The following MAST4 variants were observed in gnomAD, a reference collection of about 807,000 sequenced individuals.
MAST4 encodes microtubule associated serine/threonine kinase family member 4, also known as microtubule-associated serine/threonine-protein kinase 4.
MAST4 carries 89 observed loss-of-function variants against 162.7 expected under a neutral mutation model. The observed-to-expected ratio is 0.55, with a 90% CI of 0.46 to 0.65. The LOEUF (loss-of-function observed/expected upper bound fraction) is 0.65, where lower values mean the gene tolerates loss of function less well. Ranked by LOEUF, MAST4 falls within the 30% of genes least tolerant of loss-of-function variation. MAST4 has a pLI of 0.00. For missense variants in MAST4, 3,153 were observed against 3,374.0 expected (o/e 0.93, Z 1.62); for synonymous variants, 1,479 against 1,361.1 (o/e 1.09, Z -1.91).
chr5:66,724,524 T>C (rs2149544222), intron 1 of MAST4, among the ~76,000 whole-genome samples: 1 of 152,290 alleles, frequency 6.6e-6, no homozygotes, highest in South Asian at 2.1e-4. Flanking sequence ...CATGTGTCAC[T>C]CATGAATGGG....
At chr5:66,623,190 G>A (rs542396730) in intron 1 of MAST4, 1 of 152,296 alleles carries the variant, frequency 6.6e-6, no homozygotes, top group South Asian at 2.1e-4. Flanking sequence ...GTAGCTACAA[G>A]GATTATGGCC....
chr5:67,080,761 G>A (rs949748510), intron 5 of MAST4, among the ~76,000 whole-genome samples: 15 of 150,676 alleles, frequency 1.0e-4, no homozygotes, highest in Non-Finnish European at 1.8e-4. Context: ...TACATGGACC[G>A]TATAATAGGC....
intron 24 of MAST4, among the ~76,000 whole-genome samples, chr5:67,151,794 G>T (rs370145255): frequency 1.5e-5 from 2 of 131,384 alleles, no homozygotes; most frequent in African/African-American, 3.1e-5. Context: ...TTGAGATAGG[G>T]TCTTGCTCTG....
In MAST4 at chr5:66,631,064, T is replaced by C. The variant is rs1212947534; in HGVS notation, c.363+34046T>C. Reference sequence around the variant, plus strand: ...TATAGTTTTTCCACAGTAGCCTCCATGTTTTTTTCTCTTTTAATTTGTTGA... The same window carrying C: ...TATAGTTTTTCCACAGTAGCCTCCACGTTTTTTTCTCTTTTAATTTGTTGA... On this transcript the variant is annotated intron_variant, in intron 1 of 28. Transcript: ENST00000403625. Among the ~76,000 whole-genome samples, 4 of 152,232 alleles carry C rather than the reference T, an allele frequency of 2.6e-5. No homozygotes were observed. In the East Asian group the frequency reaches 7.7e-4, roughly 29 times the overall value.
At chr5:67,078,920 AT>A (rs1231284879) in intron 5 of MAST4, among the ~76,000 whole-genome samples, 1 of 68,134 alleles carries the variant, frequency 1.5e-5, no homozygotes, top group African/African-American at 8.1e-5. Flanking sequence ...AAATATATAT[AT>A]ATATATATAT....
chr5:66,905,302 CAAAAAAAAAAA>C (rs60337775), intron 4 of MAST4, among the ~76,000 whole-genome samples: 15,790 of 78,520 alleles, frequency 0.2, 1,023 homozygotes, highest in Admixed American at 0.32. Context: ...AACTCTGTCT[CAAAAAAAAAAA>C]AAAAAAAAAA....
chr5:67,094,407 G>A (rs1215578844), intron 6 of MAST4, among the ~76,000 whole-genome samples: 1 of 152,144 alleles, frequency 6.6e-6, no homozygotes, highest in Non-Finnish European at 1.5e-5. Flanking sequence ...AATTTATTGT[G>A]AATGTATCCC....
At chr5:67,072,062 G>A (rs1761065185) in intron 5 of MAST4, among the ~76,000 whole-genome samples, 1 of 152,158 alleles carries the variant, frequency 6.6e-6, no homozygotes, top group South Asian at 2.1e-4. Context: ...ATGCATGCAT[G>A]TGTGTTTTTT....
intron 4 of MAST4, among the ~76,000 whole-genome samples, chr5:67,021,346 A>G (rs1315239098): frequency 1.3e-5 from 2 of 152,212 alleles, no homozygotes; most frequent in African/African-American, 2.4e-5. Flanking sequence ...CAGGCATGCT[A>G]TATAGATTGC....
At chr5:67,004,704 T>A (rs977874077) in intron 4 of MAST4, 4 of 357,106 alleles carry the variant, frequency 1.1e-5, no homozygotes, top group Non-Finnish European at 2.1e-5. Context: ...AATTACTGTT[T>A]ATAGCTGGCC....
chr5:67,083,963 A>T (rs1167549545), intron 5 of MAST4, among the ~76,000 whole-genome samples: 4 of 152,194 alleles, frequency 2.6e-5, no homozygotes, highest in Non-Finnish European at 5.9e-5. Context: ...TGTGACATCA[A>T]TTCAGAGTAA....
intron 1 of MAST4, among the ~76,000 whole-genome samples, chr5:66,624,363 C>G (rs376493347): frequency 6.6e-6 from 1 of 151,838 alleles, no homozygotes; most frequent in African/African-American, 2.4e-5. Flanking sequence ...CCGTATTAGT[C>G]AGGATGGTCT....
intron 4 of MAST4, among the ~76,000 whole-genome samples, chr5:67,021,215 C>A (rs1753935897): frequency 6.6e-6 from 1 of 152,164 alleles, no homozygotes; most frequent in Non-Finnish European, 1.5e-5. Flanking sequence ...TGGTACAGGA[C>A]AGAACATGTT....
At chr5:66,807,356 C>T (rs867019290) in intron 3 of MAST4, among the ~76,000 whole-genome samples, 31 of 152,088 alleles carry the variant, frequency 2.0e-4, no homozygotes, top group Non-Finnish European at 3.8e-4. Flanking sequence ...ATTAGCCGGG[C>T]GCGGTGGCGG....
intron 1 of MAST4, 61 bp downstream of exon 1, chr5:66,597,079 A>C: frequency 7.5e-7 from 1 of 1,340,784 alleles, no homozygotes; most frequent in Non-Finnish European, 9.5e-7. Context: ...GTAGTTTCCC[A>C]TCCTGCGCAC....
At chr5:66,919,955 TCCTTCCTTCCTTCCTTCCTTCTTTCTCTC>T (rs1561446224) in intron 4 of MAST4, among the ~76,000 whole-genome samples, 15 of 119,672 alleles carry the variant, frequency 1.3e-4, no homozygotes, top group African/African-American at 4.6e-4. Context: ...CTTCCTTCCT[TCCTTCCTTCCTTCCTTCCTTCTTTCTCTC>T]TCTCTCTCTC....
chr5:66,941,052 C>T (rs1743307280), intron 4 of MAST4, among the ~76,000 whole-genome samples: 1 of 152,022 alleles, frequency 6.6e-6, no homozygotes, highest in African/African-American at 2.4e-5. Flanking sequence ...AACAGTGAAC[C>T]TAAAATATTT....
chr5:67,162,084 G>A (rs1773246874), intron 27 of MAST4, among the ~76,000 whole-genome samples: 1 of 152,072 alleles, frequency 6.6e-6, no homozygotes, highest in South Asian at 2.1e-4. Flanking sequence ...TTTCTATGTC[G>A]TTGTACAGCC....
chr5:66,893,951 T>C (rs1406220280), intron 3 of MAST4, among the ~76,000 whole-genome samples: 2 of 152,166 alleles, frequency 1.3e-5, no homozygotes, highest in Admixed American at 6.5e-5. Context: ...ACCAGAAAAA[T>C]GGCACCCAAA....
Sources: gnomAD v4.1 joint callset for allele counts (sites outside exome capture counted in the v4.1 genomes callset) on GRCh38, gnomAD v4.1.1 for gene constraint, MANE v1.5 for transcripts, NCBI Gene and HGNC (gene_info 2026-07-23, HGNC 2026-07-21) for gene names.